Variants in SPIB observed in about 807,000 individuals in gnomAD.
SPIB encodes the protein transcription factor Spi-B.
Under a neutral mutation model 31.9 loss-of-function variants are expected in SPIB, and 7 were observed. That is an observed-to-expected ratio of 0.22 (90% CI 0.12 to 0.41). The LOEUF (loss-of-function observed/expected upper bound fraction) is 0.41. Among genes scored for constraint, SPIB ranks in the 10% least tolerant of loss-of-function variants. The pLI is 1.00. For synonymous variants in SPIB, 176 were observed against 158.9 expected, an observed-to-expected ratio of 1.11 and a Z score of -0.81; for missense variants, 327 against 360.2, an observed-to-expected ratio of 0.91 and a Z score of 0.75.
chr19:50,420,558 G>C (rs2039481682), intron 2 of SPIB, among the ~76,000 whole-genome samples: 1 of 152,182 alleles, frequency 6.6e-6, no homozygotes, highest in African/African-American at 2.4e-5. Flanking sequence ...ATTCCTTCCT[G>C]TCCCTTCTCA....
chr19:50,428,154 A>G lies in SPIB; in HGVS notation c.607A>G (p.Lys203Glu). Reference sequence around the variant, plus strand: ...CGCCGGCGTCTTCCAGTTCTCCTCCAAGCACAAGGAACTCCTGGCGCGCCG... The same window carrying G: ...CGCCGGCGTCTTCCAGTTCTCCTCCGAGCACAAGGAACTCCTGGCGCGCCG... ...PGAGVFQFSS[K>E]HKELLARRWG... Residue 203 changes from lysine to glutamate, a missense_variant, in exon 6 of 6, where the codon AAG (lysine) becomes GAG (glutamate). Physicochemically the swap from Lys to Glu is moderately conservative, Grantham distance 56. Around this residue, in one of 4 missense-constraint regions of SPIB, gnomAD observed 54 missense variants for 69.5 expected, o/e 0.78. Coordinates refer to ENST00000595883, the MANE Select transcript of SPIB (RefSeq NM_003121.5). The surrounding 1 kb of genome is among the most constrained non-coding windows in gnomAD (Gnocchi z 6.5). 1 of 1,589,492 alleles carries G rather than the reference A, an allele frequency of 6.3e-7. No homozygotes were observed. Among genetic ancestry groups the G allele is most frequent in the Non-Finnish European group, 8.6e-7 (1 of 1,167,874 alleles).
chr19:50,419,519 C>G (rs1266675420), intron 1 of SPIB, among the ~76,000 whole-genome samples: 2 of 152,172 alleles, frequency 1.3e-5, no homozygotes, highest in African/African-American at 4.8e-5. Context: ...TGTCCCACCT[C>G]TCCTTGAGCC....
In SPIB at chr19:50,428,366, G is replaced by T. The variant is rs1251016610; in HGVS notation, c.*30G>T. On this transcript the variant is annotated 3_prime_UTR_variant, in exon 6 of 6. Transcript: ENST00000595883. The surrounding 1 kb of genome is among the most constrained non-coding windows in gnomAD (Gnocchi z 6.5). ...ACCCGAGGCTCCCACCTGCGGAGCCGCTGGGGGACCTCACGTCCCAGCCAG... is the reference window on the plus strand; with the variant it reads ...ACCCGAGGCTCCCACCTGCGGAGCCTCTGGGGGACCTCACGTCCCAGCCAG... 4 of 1,508,298 alleles carry T rather than the reference G, an allele frequency of 2.7e-6. No homozygotes were observed. Among genetic ancestry groups the T allele is most frequent in the Non-Finnish European group, 2.7e-6 (3 of 1,125,622 alleles). 93.4% of individuals were successfully genotyped at this position (1,508,298 alleles called of 1,614,324 possible). A position where few individuals can be genotyped will look rare whatever the true frequency, so the allele number is the denominator to read the frequency against.
intron 5 of SPIB, among the ~76,000 whole-genome samples, chr19:50,424,132 C>T (rs189328132): frequency 6.6e-6 from 1 of 152,288 alleles, no homozygotes; most frequent in Admixed American, 6.5e-5. Context: ...CGGTTCAACC[C>T]TTGCCCCCTG....
chr19:50,419,052 C>T (rs1454070326), intron 1 of SPIB, 67 bp downstream of exon 1: 23 of 1,532,008 alleles, frequency 1.5e-5, no homozygotes, highest in Non-Finnish European at 2.0e-5. Context: ...GGGGCCTCAC[C>T]CATGGGCAGT....
At chr19:50,419,046 C>A (rs757079169) in intron 1 of SPIB, 61 bp downstream of exon 1, 51 of 1,540,972 alleles carry the variant, frequency 3.3e-5, no homozygotes, top group African/African-American at 6.9e-5. Context: ...CTCTGTGGGG[C>A]CTCACCCATG....
intron 5 of SPIB, among the ~76,000 whole-genome samples, chr19:50,424,093 A>G (rs575308584): frequency 7.9e-5 from 12 of 152,148 alleles, no homozygotes; most frequent in Non-Finnish European, 1.8e-4. Context: ...CACCACAGCA[A>G]CAGAAATGAT....
In SPIB at chr19:50,425,251, C is replaced by T. The variant is rs932294879; in HGVS notation, c.490+1496C>T. 7.2e-5 allele frequency among the ~76,000 whole-genome samples: 11 copies of T among 152,122 alleles called. No individual in the cohort carries two copies. In the East Asian group the frequency reaches 1.6e-3, roughly 22 times the overall value. On this transcript the variant is annotated intron_variant, in intron 5 of 5. Coordinates refer to ENST00000595883, the MANE Select transcript of SPIB (RefSeq NM_003121.5). ...AACTCCTGACCTCAGGTGATCCGCC[C>T]GTCTCGGCCTCACAAAGTGCTGGGA... is the stretch of plus-strand genomic sequence containing the variant.
intron 2 of SPIB, 89 bp from the exon 3 acceptor site, chr19:50,422,384 G>T: frequency 9.2e-7 from 1 of 1,092,574 alleles, no homozygotes; most frequent in Non-Finnish European, 1.4e-6. Context: ...TCCCATGTCT[G>T]TGTTGGAGTC....
At chr19:50,427,689 C>T (rs548720990) in intron 5 of SPIB, among the ~76,000 whole-genome samples, 2 of 152,364 alleles carry the variant, frequency 1.3e-5, no homozygotes, top group Admixed American at 6.5e-5. Flanking sequence ...ATCCTTTAAG[C>T]GGCGCTGTCA....
Position 50,428,041 on chromosome 19 carries a change from C to T in SPIB, c.494C>T (p.Thr165Ile). The change falls in exon 6 of 6, where the codon ACT becomes ATT. Residue 165 changes from threonine to isoleucine, a missense_variant. By Grantham distance (89) the Thr-to-Ile change is moderately conservative. Transcript: ENST00000595883. The surrounding 1 kb of genome is among the most constrained non-coding windows in gnomAD (Gnocchi z 6.5). ...CGTGCCCCCGACCCCACCGCAGGGA[C>T]TCGCAAGAAGCTGCGCCTGTACCAG... The part of the protein sequence containing the change: ...GPEGKGSEAG[T>I]RKKLRLYQFL... 8 of 1,519,820 alleles carry T rather than the reference C, an allele frequency of 5.3e-6. No individual in the cohort carries two copies. The highest frequency in any genetic ancestry group is 7.1e-6 in the Non-Finnish European group (8 of 1,127,264). The allele number at this position is 1,519,820 out of a possible 1,614,324, so 94.1% of individuals were successfully genotyped here. A position where few individuals can be genotyped will look rare whatever the true frequency, so the allele number is the denominator to read the frequency against.
At chr19:50,424,784 A>G (rs2039544746) in intron 5 of SPIB, among the ~76,000 whole-genome samples, 1 of 150,948 alleles carries the variant, frequency 6.6e-6, no homozygotes, top group African/African-American at 2.4e-5. Context: ...TGTCTTAAAA[A>G]AAAAGAAAAA....
chr19:50,420,905 G>A (rs985542713), intron 2 of SPIB, among the ~76,000 whole-genome samples: 2 of 152,240 alleles, frequency 1.3e-5, no homozygotes, highest in Non-Finnish European at 2.9e-5. Flanking sequence ...TGGGATTACA[G>A]GCGTGAGCCA....
Position 50,428,653 on chromosome 19 carries a change from A to G in SPIB, c.*317A>G, listed in dbSNP as rs2039601465. ...GGGTAGCAGTTCTTCCAGAATCCCA[A>G]GAGCTTCTCTGGGATTTTCTTGTGA... On this transcript the variant is annotated 3_prime_UTR_variant, in exon 6 of 6. Transcript: ENST00000595883. This position sits in a 1 kb window ranked among gnomAD's most constrained non-coding sequence, Gnocchi z 6.5. The G allele has an allele frequency of 2.8e-6, 1 of 353,360 alleles. No homozygotes were observed. The highest frequency in any genetic ancestry group is 1.1e-4 in the South Asian group (1 of 9,462). The allele number at this position is 353,360 out of a possible 1,614,324, so 21.9% of individuals were successfully genotyped here.
intron 5 of SPIB, among the ~76,000 whole-genome samples, chr19:50,425,037 C>T (rs187086822): frequency 1.0e-3 from 156 of 152,062 alleles, no homozygotes; most frequent in Admixed American, 2.4e-3. Flanking sequence ...GACAGAGTCT[C>T]GCTCTGTTAC....
Position 50,423,055 on chromosome 19 carries a change from A to C in SPIB, c.339+18A>C. 8.1e-7 allele frequency: 1 copy of C among 1,227,260 alleles called. No homozygotes were observed. 76.0% of individuals were successfully genotyped at this position (1,227,260 alleles called of 1,614,324 possible). A position where few individuals can be genotyped will look rare whatever the true frequency, so the allele number is the denominator to read the frequency against. ...CTAGCCAGGTGAGTGGTAAGGGGAC[A>C]GTTAAAATCAAGCCCAAACCAGGTG... is the stretch of plus-strand genomic sequence containing the variant. On this transcript the variant is annotated intron_variant, in intron 4 of 5. Transcript: ENST00000595883.
Position 50,428,258 on chromosome 19 carries a change from C to G in SPIB, c.711C>G (p.Thr237=). The G allele has an allele frequency of 6.4e-7, 1 of 1,553,848 alleles. No homozygotes were observed. Among genetic ancestry groups the G allele is most frequent in the Non-Finnish European group, 8.7e-7 (1 of 1,148,252 alleles). Residue 237 remains threonine (T), a synonymous_variant, in exon 6 of 6, where the codon ACC becomes ACG. Transcript: ENST00000595883. The surrounding 1 kb of genome is among the most constrained non-coding windows in gnomAD (Gnocchi z 6.5). ...LARALRNYAK[T]GEIRKVKRKL... ...GCGCCCTCCGAAACTACGCCAAGAC[C>G]GGCGAGATCCGCAAGGTCAAGCGCA...
chr19:50,419,499 C>A (rs2039459435), intron 1 of SPIB, among the ~76,000 whole-genome samples: 1 of 152,142 alleles, frequency 6.6e-6, no homozygotes, highest in South Asian at 2.1e-4. Context: ...CCTTTGCACA[C>A]CTTTCTCTGT....
chr19:50,427,322 C>T lies in SPIB; in HGVS notation c.491-716C>T, dbSNP rs369516883. ...GGCGGATCACCTGAGGCCAGGAGTT[C>T]GAGACCAGCCTGGCCAACATGGCGA... is the stretch of plus-strand genomic sequence containing the variant. On this transcript the variant is annotated intron_variant, in intron 5 of 5. Coordinates refer to ENST00000595883, the MANE Select transcript of SPIB (RefSeq NM_003121.5). Among the ~76,000 whole-genome samples the T allele has an allele frequency of 1.6e-4, 24 of 152,208 alleles. No homozygotes were observed. In the South Asian group the frequency reaches 3.9e-3, roughly 25 times the overall value.
Sources: allele counts gnomAD v4.1 joint callset (sites outside exome capture counted in the v4.1 genomes callset), GRCh38; gene constraint gnomAD v4.1.1; regional missense constraint gnomAD v4.1.1; non-coding constraint Gnocchi (gnomAD v3.1); transcripts MANE v1.5; gene names NCBI Gene and HGNC (gene_info 2026-07-23, HGNC 2026-07-21).